The following ALDOA variants were observed in gnomAD, a reference collection of about 807,000 sequenced individuals.
The protein encoded by ALDOA is aldolase, fructose-bisphosphate A.
ALDOA carries 26 observed loss-of-function variants against 43.9 expected under a neutral mutation model. The observed-to-expected ratio is 0.59, with a 90% CI of 0.43 to 0.82. The LOEUF (loss-of-function observed/expected upper bound fraction) is 0.82. Among genes scored for constraint, ALDOA ranks in the 40% least tolerant of loss-of-function variants. The pLI, the probability that ALDOA is intolerant of heterozygous loss-of-function variation, is 0.00. For synonymous variants in ALDOA, 258 were observed against 222.6 expected (o/e 1.16, Z -1.42); for missense variants, 498 against 549.5 (o/e 0.91, Z 0.94).
In ALDOA at chr16:30,069,824, C is replaced by T; in HGVS notation, c.962-6C>T. 6.2e-7 allele frequency: 1 copy of T among 1,614,080 alleles called. No individual in the cohort carries two copies. The highest frequency in any genetic ancestry group is 8.5e-7 in the Non-Finnish European group (1 of 1,179,986). The stretch of plus-strand genomic sequence containing the variant: ...CAGCCCCTCTCGCCTCACCCCTGCT[C>T]TACAGGGATCACCTTCCTGTCTGGA... On this transcript the variant is annotated splice_region_variant and splice_polypyrimidine_tract_variant and intron_variant, in intron 8 of 9. Transcript: ENST00000642816.
In ALDOA at chr16:30,067,501, A is replaced by G; in HGVS notation, c.326A>G (p.Asn109Ser). Residue 109 changes from asparagine (N) to serine (S), a missense_variant, in exon 4 of 10, where the codon AAC (asparagine) becomes AGC (serine). Asn to Ser is a conservative substitution (Grantham distance 46). Coordinates refer to ENST00000642816, the MANE Select transcript of ALDOA (RefSeq NM_001243177.4). ...QSIGTENTEE[N>S]RRFYRQLLLT... The stretch of plus-strand genomic sequence containing the variant: ...ATTGGCACCGAGAACACCGAGGAGA[A>G]CCGGCGCTTCTACCGCCAGCTGCTG... 1 of 1,613,704 alleles carries G rather than the reference A, an allele frequency of 6.2e-7. No individual in the cohort carries two copies. Among genetic ancestry groups the G allele is most frequent in the Non-Finnish European group, 8.5e-7 (1 of 1,180,000 alleles).
Position 30,067,485 on chromosome 16 carries a change from G to C in ALDOA, c.310G>C (p.Glu104Gln), listed in dbSNP as rs1370360466. 6.2e-7 allele frequency: 1 copy of C among 1,613,254 alleles called. No homozygotes were observed. Among genetic ancestry groups the C allele is most frequent in the Non-Finnish European group, 8.5e-7 (1 of 1,180,006 alleles). Residue 104 changes from glutamate (E) to glutamine (Q), a missense_variant, in exon 4 of 10, where the codon GAG becomes CAG. Physicochemically the swap from Glu to Gln is conservative, Grantham distance 29. Transcript: ENST00000642816. The part of the protein sequence containing the change: ...IAKRLQSIGT[E>Q]NTEENRRFYR... ...CAAGCGGCTGCAGTCCATTGGCACC[G>C]AGAACACCGAGGAGAACCGGCGCTT... is the stretch of plus-strand genomic sequence containing the variant.
rs762881835 is a variant in ALDOA, at chr16:30,069,637, A to G, written c.925A>G (p.Thr309Ala). 35 of 1,613,736 alleles carry G rather than the reference A, an allele frequency of 2.2e-5. No homozygotes were observed. The highest frequency in any genetic ancestry group is 2.6e-5 in the Non-Finnish European group (31 of 1,180,022). Residue 309 changes from threonine to alanine, a missense_variant, in exon 8 of 10, where the codon ACA becomes GCA. By Grantham distance (58) the Thr-to-Ala change is moderately conservative. Transcript: ENST00000642816. ...SHEEIAMATVTALRRTVPPAV... is the reference protein window; with the variant it reads ...SHEEIAMATVAALRRTVPPAV... ...TGAGGAGATTGCCATGGCGACCGTC[A>G]CAGCGCTGCGCCGCACAGTGCCCCC...
chr16:30,066,797 C>A, intron 1 of ALDOA, 88 bp from the exon 2 acceptor site: 1 of 1,421,898 alleles, frequency 7.0e-7, no homozygotes. Context: ...TTTCCCATAT[C>A]TGGGCCCTTT....
chr16:30,064,536 T>C (rs1232427383), upstream of ALDOA: 4 of 398,618 alleles, frequency 1.0e-5, no homozygotes, highest in South Asian at 1.3e-4. Context: ...TCCCCATCAA[T>C]AGGGCCGACC....
At chr16:30,067,770 G>A in intron 4 of ALDOA, 109 bp downstream of exon 4, 2 of 1,306,288 alleles carry the variant, frequency 1.5e-6, no homozygotes, top group Non-Finnish European at 2.2e-6. Flanking sequence ...AGACTTGCAT[G>A]GAGCCTGCTT....
In ALDOA at chr16:30,070,377, T is replaced by C. The variant is rs2072286187; in HGVS notation, c.*165T>C. On this transcript the variant is annotated 3_prime_UTR_variant, in exon 10 of 10. Coordinates refer to ENST00000642816, the MANE Select transcript of ALDOA (RefSeq NM_001243177.4). ...TGTGAATGCTAAGTCCATCACCCTTTCCGGCACACTGCCAAATAAACAGCT... is the reference window on the plus strand; with the variant it reads ...TGTGAATGCTAAGTCCATCACCCTTCCCGGCACACTGCCAAATAAACAGCT... The C allele has an allele frequency of 1.5e-6, 1 of 660,774 alleles. No individual in the cohort carries two copies. Among genetic ancestry groups the C allele is most frequent in the African/African-American group, 1.8e-5 (1 of 55,836 alleles). 40.9% of individuals were successfully genotyped at this position (660,774 alleles called of 1,614,324 possible).
At chr16:30,068,464 A>G in intron 4 of ALDOA, 182 bp from the exon 5 acceptor site, 1 of 702,086 alleles carries the variant, frequency 1.4e-6, no homozygotes, top group African/African-American at 1.8e-5. Flanking sequence ...CTGGGGCTAA[A>G]GAAGAGGAAA....
chr16:30,069,780 C>T, intron 8 of ALDOA, 50 bp from the exon 9 acceptor site: 1 of 1,613,008 alleles, frequency 6.2e-7, no homozygotes, highest in Non-Finnish European at 8.5e-7. Context: ...CTCCTGCCAG[C>T]TTCCTGGGTC....
At chr16:30,064,705 G>A (rs1003978136), upstream of ALDOA, 5 of 377,424 alleles carry the variant, frequency 1.3e-5, 1 homozygote, top group Admixed American at 1.4e-4. Context: ...GCGGGCAGGA[G>A]CTGCCTTATA....
chr16:30,066,791 C>T (rs997891327), intron 1 of ALDOA, 94 bp from the exon 2 acceptor site: 9 of 1,390,692 alleles, frequency 6.5e-6, no homozygotes, highest in African/African-American at 4.4e-5. Flanking sequence ...CAGACCTTTC[C>T]CATATCTGGG....
At chr16:30,069,094 C>T in intron 6 of ALDOA, 116 bp downstream of exon 6, 1 of 1,513,018 alleles carries the variant, frequency 6.6e-7, no homozygotes, top group South Asian at 1.2e-5. Context: ...TAGCTTTGGC[C>T]CGTGGAGGAC....
chr16:30,068,294 G>C (rs779676114), intron 4 of ALDOA: 1 of 357,080 alleles, frequency 2.8e-6, no homozygotes, highest in Non-Finnish European at 5.5e-6. Context: ...TCGATCTCCT[G>C]ATCTCGTGAT....
At chr16:30,064,697 G>A (rs1368375015), upstream of ALDOA, 2 of 382,700 alleles carry the variant, frequency 5.2e-6, no homozygotes, top group Non-Finnish European at 9.2e-6. Flanking sequence ...CATGTGGGGC[G>A]GGCAGGAGCT....
chr16:30,069,885 T>G lies in ALDOA; in HGVS notation c.1017T>G (p.Asn339Lys). 1 of 1,614,062 alleles carries G rather than the reference T, an allele frequency of 6.2e-7. No individual in the cohort carries two copies. Among genetic ancestry groups the G allele is most frequent in the Non-Finnish European group, 8.5e-7 (1 of 1,179,998 alleles). The change falls in exon 9 of 10, where the codon AAT becomes AAG. Residue 339 changes from asparagine to lysine, a missense_variant. By Grantham distance (94) the Asn-to-Lys change is moderately conservative. Coordinates refer to ENST00000642816, the MANE Select transcript of ALDOA (RefSeq NM_001243177.4). ...AGGAGGAGGCGTCCATCAACCTCAA[T>G]GCCATTAACAAGTGCCCCCTGCTGA... ...QSEEEASINL[N>K]AINKCPLLKP...
chr16:30,067,765 T>C (rs1196103819), intron 4 of ALDOA, 104 bp downstream of exon 4: 7 of 1,350,826 alleles, frequency 5.2e-6, no homozygotes, highest in Non-Finnish European at 7.4e-6. Context: ...CCTAGAGACT[T>C]GCATGGAGCC....
rs3134626 is a variant in ALDOA, at chr16:30,069,564, G to A, written c.852G>A (p.Lys284=). The A allele has an allele frequency of 6.2e-7, 1 of 1,614,088 alleles. No individual in the cohort carries two copies. Among genetic ancestry groups the A allele is most frequent in the Non-Finnish European group, 8.5e-7 (1 of 1,180,028 alleles). The change falls in exon 8 of 10, where the codon AAG becomes AAA. Residue 284 remains lysine (K), a synonymous_variant. Transcript: ENST00000642816. Reference sequence around the variant, plus strand: ...TCTACCTGGAAGGCACCTTGCTGAAGCCCAACATGGTCACCCCAGGCCATG... The same window carrying A: ...TCTACCTGGAAGGCACCTTGCTGAAACCCAACATGGTCACCCCAGGCCATG... The part of the protein sequence containing the change: ...HHIYLEGTLL[K]PNMVTPGHAC...
intron 4 of ALDOA, chr16:30,067,905 G>T: frequency 1.8e-6 from 1 of 567,126 alleles, no homozygotes; most frequent in Non-Finnish European, 3.2e-6. Flanking sequence ...AGAGTAAGTG[G>T]CAGAGCCCCA....
chr16:30,067,182 A>G lies in ALDOA; in HGVS notation c.142-52A>G, dbSNP rs910941761. 45 of 1,610,276 alleles carry G rather than the reference A, an allele frequency of 2.8e-5. No homozygotes were observed. Among genetic ancestry groups the G allele is most frequent in the Non-Finnish European group, 3.4e-5 (40 of 1,179,300 alleles). ...GGAGAGGGGCCCTGGTCATCGGGAGATGATGGGAAACCCTAGCTAACTAGT... is the reference window on the plus strand; with the variant it reads ...GGAGAGGGGCCCTGGTCATCGGGAGGTGATGGGAAACCCTAGCTAACTAGT... On this transcript the variant is annotated intron_variant, in intron 2 of 9. Transcript: ENST00000642816.
Sources: gnomAD v4.1 joint callset for allele counts on GRCh38, gnomAD v4.1.1 for gene constraint, MANE v1.5 for transcripts, NCBI Gene and HGNC (gene_info 2026-07-23, HGNC 2026-07-21) for gene names.